Variants in IGSF1 observed in about 807,000 individuals in gnomAD.
The protein encoded by IGSF1 is immunoglobulin superfamily member 1.
A neutral mutation model predicts 95.3 loss-of-function variants in IGSF1; 40 were observed. The ratio of observed to expected loss-of-function variants is 0.42; its 90% CI spans 0.33 to 0.55. The LOEUF is 0.55. Ranked by LOEUF, IGSF1 falls within the 20% of genes least tolerant of loss-of-function variation. The pLI, the probability that IGSF1 is intolerant of heterozygous loss-of-function variation, is 0.10. For synonymous variants in IGSF1, 372 were observed against 382.9 expected (o/e 0.97, Z 0.33); for missense variants, 906 against 1,025.4 (o/e 0.88, Z 1.59).
chrX:131,280,277 G>T (rs1217715853), intron 9 of IGSF1, among the ~76,000 whole-genome samples: 1 of 111,378 alleles, frequency 9.0e-6, no homozygotes, highest in Non-Finnish European at 1.9e-5. Flanking sequence ...GGTGGTTTTT[G>T]CAGAAGGCTT....
Position 131,285,245 on chromosome X carries a change from T to C in IGSF1, c.601A>G (p.Thr201Ala). Reference protein sequence around the residue: ...PEDEGVYICRTHIQMLPTLWS... With the variant: ...PEDEGVYICRAHIQMLPTLWS... ...AGGGTGGGGAGCATCTGGATATGAG[T>C]GCGGCAGATGTAAACCCCTTCATCC... The change falls in exon 5 of 20, where the codon ACT becomes GCT. Residue 201 changes from threonine to alanine, a missense_variant. Thr to Ala is a moderately conservative substitution (Grantham distance 58). Around this residue, in one of 5 missense-constraint regions of IGSF1, gnomAD observed 442 missense variants for 448.1 expected, o/e 0.99. Coordinates refer to ENST00000361420, the MANE Select transcript of IGSF1 (RefSeq NM_001555.5). The C allele has an allele frequency of 2.5e-6, 3 of 1,210,411 alleles. No individual in the cohort carries two copies. Among genetic ancestry groups the C allele is most frequent in the Non-Finnish European group, 3.4e-6 (3 of 894,837 alleles).
intron 5 of IGSF1, chrX:131,284,045 C>T (rs2080598938): frequency 9.2e-6 from 4 of 434,168 alleles, no homozygotes; most frequent in South Asian, 2.4e-4. Flanking sequence ...CAGGTAACTA[C>T]GGAAGTGTAT....
chrX:131,287,186 T>TAC (rs759335397), intron 1 of IGSF1, among the ~76,000 whole-genome samples: 1 of 104,848 alleles, frequency 9.5e-6, no homozygotes, highest in African/African-American at 3.5e-5. Context: ...TGTATATATA[T>TAC]ATATAGAGAG....
intron 2 of IGSF1, 29 bp from the exon 3 acceptor site, chrX:131,286,492 G>A: frequency 8.4e-7 from 1 of 1,196,269 alleles, no homozygotes; most frequent in Non-Finnish European, 1.1e-6. Context: ...GTAAAGGAGA[G>A]CTCCCTTGTT....
rs372420485 is a variant in IGSF1, at chrX:131,278,547, T to C, written c.1955A>G (p.Gln652Arg). Residue 652 changes from glutamine (Q) to arginine (R), a missense_variant, in exon 12 of 20, where the codon CAG becomes CGG. Transcript: ENST00000361420. ...GCAGTGGTAGCTCCCGGTGTGGCTC[T>C]GGGTCAGGGCGCCAAGGGGGAAGGC... ...RAAFPLGALT[Q>R]SHTGSYHCHS... is the part of the protein sequence containing the mutation. The C allele has an allele frequency of 1.2e-4, 142 of 1,209,698 alleles. No homozygotes were observed. Among genetic ancestry groups the C allele is most frequent in the Non-Finnish European group, 1.6e-4 (140 of 894,694 alleles).
At chrX:131,275,830 C>T in intron 15 of IGSF1, 65 bp from the exon 16 acceptor site, 2 of 1,163,855 alleles carry the variant, frequency 1.7e-6, no homozygotes, top group Non-Finnish European at 2.3e-6. Context: ...CTTAAATTAA[C>T]ACTCTATCTT....
At chrX:131,279,240 G>A in intron 10 of IGSF1, 31 bp downstream of exon 10, 1 of 1,209,177 alleles carries the variant, frequency 8.3e-7, no homozygotes, top group Non-Finnish European at 1.1e-6. Context: ...CCGGCCTTCT[G>A]CCCGGGGCCC....
At chrX:131,282,793 C>G in intron 6 of IGSF1, 56 bp from the exon 7 acceptor site, 1 of 1,077,464 alleles carries the variant, frequency 9.3e-7, no homozygotes, top group Non-Finnish European at 1.3e-6. Flanking sequence ...GCTCCCACTC[C>G]TTAAGATTCT....
rs1005228089 is a variant in IGSF1 at position 131,285,850 on chromosome X, G to A, written c.296C>T (p.Ser99Phe). 1 of 1,210,335 alleles carries A rather than the reference G, an allele frequency of 8.3e-7. No individual in the cohort carries two copies. Among genetic ancestry groups the A allele is most frequent in the Non-Finnish European group, 1.1e-6 (1 of 894,340 alleles). Residue 99 changes from serine (S) to phenylalanine (F), a missense_variant, in exon 4 of 20, where the codon TCC becomes TTC. Physicochemically the swap from Ser to Phe is radical, Grantham distance 155. This residue lies in a region of IGSF1 where 442 missense variants were observed against 448.1 expected (regional missense o/e 0.99). Transcript: ENST00000361420. ...VSFLIGALTESNAGLYRCCYW... is the reference protein window; with the variant it reads ...VSFLIGALTEFNAGLYRCCYW... Reference sequence around the variant, plus strand: ...GCAGCACCGGTAAAGACCTGCATTGGACTCAGTAAGGGCACCTATAAGGAA... The same window carrying A: ...GCAGCACCGGTAAAGACCTGCATTGAACTCAGTAAGGGCACCTATAAGGAA...
intron 18 of IGSF1, among the ~76,000 whole-genome samples, 169 bp downstream of exon 18, chrX:131,274,430 A>G (rs910817038): frequency 1.8e-5 from 2 of 111,474 alleles, no homozygotes; most frequent in Non-Finnish European, 3.8e-5. Flanking sequence ...CACTATCTTC[A>G]AATATATTTA....
Position 131,289,076 on chromosome X carries a change from G to T in IGSF1, c.-68+138C>A, listed in dbSNP as rs5932879. On this transcript the variant is annotated intron_variant, in intron 1 of 19. Coordinates refer to ENST00000361420, the MANE Select transcript of IGSF1 (RefSeq NM_001555.5). ...GGAGAAAGGCAGGAATGAAGCGGGT[G>T]GGGGGACAGACTGGGGAGCAGTTTG... is the stretch of plus-strand genomic sequence containing the variant. The T allele has an allele frequency of 1.3e-4, 41 of 324,655 alleles. 1 individual carries two copies. The highest frequency in any genetic ancestry group is 9.4e-4 in the South Asian group (33 of 35,143). The allele number at this position is 324,655 out of a possible 1,213,427, so 26.8% of individuals were successfully genotyped here. A position where few individuals can be genotyped will look rare whatever the true frequency, so the allele number is the denominator to read the frequency against.
chrX:131,280,783 G>A (rs1182788077), intron 9 of IGSF1, among the ~76,000 whole-genome samples: 1 of 112,031 alleles, frequency 8.9e-6, no homozygotes, highest in East Asian at 2.8e-4. Context: ...GCGTCACAAG[G>A]CTTAATAGCT....
In IGSF1 at chrX:131,276,172, G is replaced by A; in HGVS notation, c.2685C>T (p.Cys895=). ...VFPGKSVILR[C]QGTFQGMRFA... ...ACCTCATGCCCTGGAAAGTCCCTTG[G>A]CAGCGCAGGATCACACTCTTCCCAG... Residue 895 remains cysteine (C), a synonymous_variant, in exon 15 of 20, where the codon TGC becomes TGT. Coordinates refer to ENST00000361420, the MANE Select transcript of IGSF1 (RefSeq NM_001555.5). 1 of 1,210,199 alleles carries A rather than the reference G, an allele frequency of 8.3e-7. No individual in the cohort carries two copies. The highest frequency in any genetic ancestry group is 3.0e-5 in the East Asian group (1 of 33,818).
intron 5 of IGSF1, chrX:131,284,873 C>T: frequency 1.3e-6 from 1 of 787,152 alleles, no homozygotes. Flanking sequence ...TCAATAAATA[C>T]TGGTTGAATT....
chrX:131,273,932 C>G lies in IGSF1; in HGVS notation c.3876-1G>C. Reference sequence around the variant, plus strand: ...GTCTCTTCCGTCTGTCTCTGAGCCTCTATGTAAAGAAAAAGACATGAGTAA... The same window carrying G: ...GTCTCTTCCGTCTGTCTCTGAGCCTGTATGTAAAGAAAAAGACATGAGTAA... On this transcript the variant is annotated splice_acceptor_variant, in intron 19 of 19. Coordinates refer to ENST00000361420, the MANE Select transcript of IGSF1 (RefSeq NM_001555.5). LOFTEE classifies it high-confidence loss of function. The G allele has an allele frequency of 8.3e-7, 1 of 1,208,413 alleles. No homozygotes were observed. Among genetic ancestry groups the G allele is most frequent in the Non-Finnish European group, 1.1e-6 (1 of 894,081 alleles).
intron 3 of IGSF1, 83 bp downstream of exon 3, chrX:131,286,354 G>A: frequency 1.2e-6 from 1 of 829,984 alleles, no homozygotes. Context: ...GAATCTCAAG[G>A]CATTATGTCC....
At chrX:131,275,330 C>T (rs757278529) in intron 16 of IGSF1, 44 bp from the exon 17 acceptor site, 64 of 1,167,914 alleles carry the variant, frequency 5.5e-5, no homozygotes, top group Non-Finnish European at 6.6e-5. Flanking sequence ...GGTCACTTTC[C>T]AGTGCATCAC....
chrX:131,279,904 G>A (rs1048101666), intron 9 of IGSF1, among the ~76,000 whole-genome samples: 4 of 112,092 alleles, frequency 3.6e-5, no homozygotes, highest in Non-Finnish European at 7.5e-5. Flanking sequence ...AAGCTTTTCA[G>A]AGAGTAGAAA....
Position 131,281,952 on chromosome X carries a change from C to G in IGSF1, c.1247-8G>C, listed in dbSNP as rs184648797. ...AGGGTTTGGGGGGCTTATCTGAAAC[C>G]AATCCAGAGACCAGAGTGAGAAGTG... is the stretch of plus-strand genomic sequence containing the variant. On this transcript the variant is annotated splice_polypyrimidine_tract_variant and splice_region_variant and intron_variant, in intron 7 of 19. Coordinates refer to ENST00000361420, the MANE Select transcript of IGSF1 (RefSeq NM_001555.5). The G allele has an allele frequency of 1.6e-3, 1,961 of 1,193,837 alleles. 12 individuals carry two copies. The highest frequency in any genetic ancestry group is 9.1e-3 in the African/African-American group (516 of 56,410).
Sources: allele counts gnomAD v4.1 joint callset (sites outside exome capture counted in the v4.1 genomes callset), GRCh38; gene constraint gnomAD v4.1.1; regional missense constraint gnomAD v4.1.1; transcripts MANE v1.5; gene names NCBI Gene and HGNC (gene_info 2026-07-23, HGNC 2026-07-21).